The following KIF5C variants were observed in gnomAD, a reference collection of about 807,000 sequenced individuals.
KIF5C encodes kinesin family member 5C.
Under a neutral mutation model 125.2 loss-of-function variants are expected in KIF5C, and 18 were observed. The observed-to-expected ratio is 0.14, with a 90% CI of 0.10 to 0.21. The LOEUF is 0.21. KIF5C is among the 10% of genes least tolerant of loss of function. The probability of loss-of-function intolerance (pLI) is 1.00; values close to 1 mark genes in which losing one functional copy is unlikely to be tolerated. For missense variants in KIF5C, 780 were observed against 1,183.8 expected, an observed-to-expected ratio of 0.66 and a Z score of 5.01; for synonymous variants, 405 against 434.0, an observed-to-expected ratio of 0.93 and a Z score of 0.83.
chr2:148,968,342 A>T (rs536451703), intron 11 of KIF5C, among the ~76,000 whole-genome samples: 1 of 152,344 alleles, frequency 6.6e-6, no homozygotes, highest in South Asian at 2.1e-4. Context: ...TGGTTCAGTA[A>T]CTAGCTAAAT....
intron 8 of KIF5C, among the ~76,000 whole-genome samples, chr2:148,948,455 TA>T (rs1328730153): frequency 1.3e-5 from 2 of 152,154 alleles, no homozygotes; most frequent in African/African-American, 4.8e-5. Flanking sequence ...ATTTAGAGCC[TA>T]AATACACCTG....
chr2:148,884,459 T>C (rs892300983), intron 1 of KIF5C: 1 of 152,122 alleles, frequency 6.6e-6, no homozygotes, highest in Non-Finnish European at 1.5e-5. Context: ...AGAAAATTTA[T>C]TATATAAAAT....
chr2:148,916,170 G>A (rs912865447), intron 1 of KIF5C, among the ~76,000 whole-genome samples: 2 of 152,200 alleles, frequency 1.3e-5, no homozygotes, highest in African/African-American at 2.4e-5. Flanking sequence ...GAGAGTGAGA[G>A]GATAGTCAGG....
chr2:149,009,652 AG>A (rs1260757565), intron 23 of KIF5C, among the ~76,000 whole-genome samples: 1 of 152,190 alleles, frequency 6.6e-6, no homozygotes, highest in African/African-American at 2.4e-5. Flanking sequence ...TGTGTTGCAA[AG>A]CTGGGTCCAA....
At chr2:148,915,115 A>G (rs1401582439) in intron 1 of KIF5C, among the ~76,000 whole-genome samples, 1 of 152,172 alleles carries the variant, frequency 6.6e-6, no homozygotes, top group Non-Finnish European at 1.5e-5. Flanking sequence ...AAAGGGGTGT[A>G]GAAAGACATA....
chr2:148,877,068 C>T (rs1391507702), intron 1 of KIF5C, among the ~76,000 whole-genome samples: 1 of 152,216 alleles, frequency 6.6e-6, no homozygotes, highest in African/African-American at 2.4e-5. Context: ...CCGACGTTTT[C>T]CAGCCCGGGC....
chr2:149,002,793 G>A (rs887116510), intron 21 of KIF5C, among the ~76,000 whole-genome samples: 1 of 152,196 alleles, frequency 6.6e-6, no homozygotes, highest in African/African-American at 2.4e-5. Context: ...TCATTTCCAT[G>A]CTCACGGACT....
At chr2:148,998,243 C>A in intron 18 of KIF5C, 157 bp from the exon 19 acceptor site, 1 of 1,239,000 alleles carries the variant, frequency 8.1e-7, no homozygotes, top group Non-Finnish European at 1.1e-6. Flanking sequence ...TAAAGCAAGG[C>A]CGGGTCCTGG....
At position 149,023,745 on chromosome 2, in the gene KIF5C, CA is replaced by C. The variant is rs1470406362; in HGVS notation, c.*680del. The C allele has an allele frequency of 6.6e-6, 1 of 152,254 alleles. No homozygotes were observed. The highest frequency in any genetic ancestry group is 1.5e-5 in the Non-Finnish European group (1 of 68,026). The allele number at this position is 152,254 out of a possible 1,614,324, so 9.4% of individuals were successfully genotyped here. A position where few individuals can be genotyped will look rare whatever the true frequency, so the allele number is the denominator to read the frequency against. On this transcript the variant is annotated 3_prime_UTR_variant, in exon 26 of 26. Transcript: ENST00000435030. The stretch of plus-strand genomic sequence containing the variant: ...TCATTCAAATACATCTGTGTAAATG[CA>C]AAAAGTCATAAAATTCACCTCCGAG...
intron 25 of KIF5C, among the ~76,000 whole-genome samples, chr2:149,022,167 C>A (rs1430110461): frequency 6.6e-6 from 1 of 152,068 alleles, no homozygotes; most frequent in African/African-American, 2.4e-5. Flanking sequence ...GGGTTAGGGG[C>A]CTTGTTGCAC....
intron 1 of KIF5C, chr2:148,878,015 G>A (rs187915839): frequency 3.3e-5 from 5 of 152,194 alleles, no homozygotes; most frequent in African/African-American, 9.6e-5. Context: ...CTTTTCAACC[G>A]TAAAGTAAGT....
intron 25 of KIF5C, among the ~76,000 whole-genome samples, chr2:149,019,093 G>A (rs1182339893): frequency 6.6e-6 from 1 of 152,188 alleles, no homozygotes; most frequent in Non-Finnish European, 1.5e-5. Context: ...ATAGATGGCA[G>A]CTGGATTCCC....
chr2:149,010,878 C>T (rs978523812), intron 24 of KIF5C, among the ~76,000 whole-genome samples: 1 of 152,206 alleles, frequency 6.6e-6, no homozygotes, highest in African/African-American at 2.4e-5. Context: ...TCAGCCTCTT[C>T]AAGACCTGTA....
At chr2:148,888,252 G>A (rs1681608007) in intron 1 of KIF5C, 1 of 152,234 alleles carries the variant, frequency 6.6e-6, no homozygotes, top group Non-Finnish European at 1.5e-5. Flanking sequence ...ATTTCCAGGC[G>A]AGGAGCGACG....
In KIF5C at chr2:148,978,948, G is replaced by A. The variant is rs377714519; in HGVS notation, c.1320G>A (p.Gln440=). ...DKDDEINQQS[Q]LAEKLKQQML... is the part of the protein sequence containing the mutation. ...ATGATGAAATTAACCAGCAGAGCCA[G>A]CTGGCTGAAAAGCTGAAGCAACAGA... is the stretch of plus-strand genomic sequence containing the variant. The change falls in exon 13 of 26, where the codon CAG becomes CAA. Residue 440 remains glutamine, a synonymous_variant. Transcript: ENST00000435030. The A allele has an allele frequency of 2.1e-4, 339 of 1,597,492 alleles. No homozygotes were observed. Among genetic ancestry groups the A allele is most frequent in the Middle Eastern group, 8.3e-4 (5 of 6,038 alleles).
chr2:149,007,921 T>TGGGG, intron 22 of KIF5C, 42 bp from the exon 23 acceptor site: 1 of 1,275,004 alleles, frequency 7.8e-7, no homozygotes, highest in Non-Finnish European at 1.1e-6. Context: ...GGAGGGTGGG[T>TGGGG]GGGTGACAGC....
Position 148,994,407 on chromosome 2 carries a change from T to C in KIF5C, c.1906-14T>C. 1 of 1,552,294 alleles carries C rather than the reference T, an allele frequency of 6.4e-7. No individual in the cohort carries two copies. Among genetic ancestry groups the C allele is most frequent in the Non-Finnish European group, 8.7e-7 (1 of 1,147,760 alleles). On this transcript the variant is annotated splice_polypyrimidine_tract_variant and intron_variant, in intron 16 of 25. Coordinates refer to ENST00000435030, the MANE Select transcript of KIF5C (RefSeq NM_004522.3). Reference sequence around the variant, plus strand: ...CTTGCTAGTCATTCACTCTTCCTTTTTGCTTGTTTAAAGCACGAAGCCAAG... The same window carrying C: ...CTTGCTAGTCATTCACTCTTCCTTTCTGCTTGTTTAAAGCACGAAGCCAAG...
intron 1 of KIF5C, among the ~76,000 whole-genome samples, chr2:148,895,704 G>A (rs1681820503): frequency 6.6e-6 from 1 of 152,192 alleles, no homozygotes; most frequent in South Asian, 2.1e-4. Flanking sequence ...TTAAGCAACA[G>A]AAATTCATTT....
rs540532785 is a variant in KIF5C at position 148,991,103 on chromosome 2, C to T, written c.1810C>T (p.Arg604Cys). 5.0e-6 allele frequency: 8 copies of T among 1,613,850 alleles called. No homozygotes were observed. The highest frequency in any genetic ancestry group is 2.2e-5 in the East Asian group (1 of 44,860). ...GTCAGAGGTCAAGTCCCTGGTGAAC[C>T]GCAGCAAACAGCTCGAGAGCGCCCA... The part of the protein sequence containing the change: ...MKSEVKSLVN[R>C]SKQLESAQMD... The change falls in exon 16 of 26, where the codon CGC (arginine) becomes TGC (cysteine). Residue 604 changes from arginine (R) to cysteine (C), a missense_variant. Arg to Cys is a radical substitution (Grantham distance 180). Transcript: ENST00000435030.
Sources: allele counts gnomAD v4.1 joint callset (sites outside exome capture counted in the v4.1 genomes callset), GRCh38; gene constraint gnomAD v4.1.1; transcripts MANE v1.5; gene names NCBI Gene and HGNC (gene_info 2026-07-23, HGNC 2026-07-21).